TMEM62: variants seen among roughly 807,000 people sequenced by gnomAD.
TMEM62 encodes transmembrane protein 62.
Under a neutral mutation model 70.4 loss-of-function variants are expected in TMEM62, and 41 were observed. The observed-to-expected ratio is 0.58, with a 90% confidence interval of 0.45 to 0.76. The LOEUF (loss-of-function observed/expected upper bound fraction) is 0.76. TMEM62 is among the 30% of genes least tolerant of loss of function. The pLI, the probability that TMEM62 is intolerant of heterozygous loss-of-function variation, is 0.00. For missense variants in TMEM62, 688 were observed against 788.5 expected, an observed-to-expected ratio of 0.87 and a Z score of 1.53; for synonymous variants, 268 against 291.0, an observed-to-expected ratio of 0.92 and a Z score of 0.80.
chr15:43,133,751 C>T lies in TMEM62; in HGVS notation c.-52C>T. On this transcript the variant is annotated 5_prime_UTR_variant, in exon 1 of 14. Transcript: ENST00000260403. ...CAGGCAAAGCGGCTCCCGGGAGCGC[C>T]GCGCGGTCCTGCGCGGGATCAGCGA... 2.4e-6 allele frequency: 3 copies of T among 1,253,240 alleles called. No individual in the cohort carries two copies. The highest frequency in any genetic ancestry group is 3.0e-6 in the Non-Finnish European group (3 of 989,264). 77.6% of individuals were successfully genotyped at this position (1,253,240 alleles called of 1,614,324 possible). A position where few individuals can be genotyped will look rare whatever the true frequency, so the allele number is the denominator to read the frequency against.
chr15:43,174,284 T>C (rs1027099099), intron 11 of TMEM62, among the ~76,000 whole-genome samples: 3 of 152,212 alleles, frequency 2.0e-5, no homozygotes, highest in African/African-American at 7.2e-5. Context: ...CCTTCTTAAT[T>C]TGGATGAAAT....
chr15:43,140,058 G>C (rs948949469), intron 4 of TMEM62, among the ~76,000 whole-genome samples: 1 of 152,136 alleles, frequency 6.6e-6, no homozygotes, highest in African/African-American at 2.4e-5. Flanking sequence ...TATTGCTAGA[G>C]GTCCATGCAG....
intron 5 of TMEM62, among the ~76,000 whole-genome samples, chr15:43,147,806 A>G (rs979886025): frequency 6.6e-6 from 1 of 152,180 alleles, no homozygotes; most frequent in African/African-American, 2.4e-5. Context: ...CATGTACATG[A>G]AAACCAACTG....
chr15:43,161,040 T>A (rs1278224872), intron 10 of TMEM62, among the ~76,000 whole-genome samples: 1 of 152,174 alleles, frequency 6.6e-6, no homozygotes, highest in East Asian at 1.9e-4. Flanking sequence ...TGTGCCTAAT[T>A]TATAAATTAA....
intron 7 of TMEM62, among the ~76,000 whole-genome samples, chr15:43,150,190 A>G (rs1194425392): frequency 6.6e-6 from 1 of 152,204 alleles, no homozygotes; most frequent in Non-Finnish European, 1.5e-5. Flanking sequence ...ATTTTGGTTG[A>G]CTTTTTAAAA....
chr15:43,147,524 G>A (rs142391518), intron 5 of TMEM62, among the ~76,000 whole-genome samples: 12 of 152,290 alleles, frequency 7.9e-5, no homozygotes, highest in Non-Finnish European at 1.3e-4. Flanking sequence ...ATTTAATCTA[G>A]TGGTGAGGTA....
rs878922128 is a variant in TMEM62, at chr15:43,133,696, C to T, written c.-107C>T. 30 of 808,932 alleles carry T rather than the reference C, an allele frequency of 3.7e-5. No individual in the cohort carries two copies. In the South Asian group the frequency reaches 1.4e-3, roughly 37 times the overall value. The allele number at this position is 808,932 out of a possible 1,614,324, so 50.1% of individuals were successfully genotyped here. A position where few individuals can be genotyped will look rare whatever the true frequency, so the allele number is the denominator to read the frequency against. ...TCCGGCGCCGGCCCCGCATCCAGCT[C>T]TGGCCCTGCGACAATAGAGTCCGGA... On this transcript the variant is annotated 5_prime_UTR_variant, in exon 1 of 14. Coordinates refer to ENST00000260403, the MANE Select transcript of TMEM62 (RefSeq NM_024956.4).
At chr15:43,157,361 T>A (rs1346255199) in intron 9 of TMEM62, among the ~76,000 whole-genome samples, 2 of 152,114 alleles carry the variant, frequency 1.3e-5, no homozygotes, top group Non-Finnish European at 2.9e-5. Context: ...GTATCTGTAG[T>A]TTAAGATTAT....
At chr15:43,178,561 G>T in intron 11 of TMEM62, 46 bp from the exon 12 acceptor site, 1 of 1,220,100 alleles carries the variant, frequency 8.2e-7, no homozygotes, top group South Asian at 1.3e-5. Flanking sequence ...TAAAGAAACT[G>T]AACTTTGCAT....
rs182239509 is a variant in TMEM62, at chr15:43,166,334, A to G, written c.1297-3259A>G. On this transcript the variant is annotated intron_variant, in intron 10 of 13. Transcript: ENST00000260403. ...TGCTTACTTCGTTTTAACAAGAACC[A>G]TAACCCCAAATCTCTAACATACCAA... 6.4e-4 allele frequency among the ~76,000 whole-genome samples: 98 copies of G among 152,334 alleles called. 1 individual carries two copies. In the East Asian group the frequency reaches 0.017, roughly 27 times the overall value.
rs555658832 is a variant in TMEM62, at chr15:43,179,268, C to T, written c.1486+557C>T. 3.3e-5 allele frequency among the ~76,000 whole-genome samples: 5 copies of T among 152,160 alleles called. No individual in the cohort carries two copies. The East Asian group carries it at 9.7e-4, about 29-fold the overall frequency. On this transcript the variant is annotated intron_variant, in intron 12 of 13. Coordinates refer to ENST00000260403, the MANE Select transcript of TMEM62 (RefSeq NM_024956.4). ...TATATATCTATCCATTGGTATTTTG[C>T]CTATTTTGCTTAGTATGTAGTTCAT...
chr15:43,153,659 TGTG>T (rs2037677150), intron 8 of TMEM62, among the ~76,000 whole-genome samples: 1 of 31,836 alleles, frequency 3.1e-5, no homozygotes, highest in African/African-American at 4.3e-5. Flanking sequence ...CATTGTACAT[TGTG>T]TGTGTGTGTG....
In TMEM62 at chr15:43,134,313, G is replaced by T. The variant is rs376300591; in HGVS notation, c.237G>T (p.Glu79Asp). The change falls in exon 2 of 14, where the codon GAG (glutamate) becomes GAT (aspartate). Residue 79 changes from glutamate (E) to aspartate (D), a missense_variant. Glu to Asp is a conservative substitution (Grantham distance 45, BLOSUM62 2). Coordinates refer to ENST00000260403, the MANE Select transcript of TMEM62 (RefSeq NM_024956.4). ...ATCCAGGCAGAGCGGTAGACTTAGA[G>T]AAATTCTGTTCTGAAACTATTGACA... ...FRDPGRAVDL[E>D]KFCSETIDII... 6.2e-7 allele frequency: 1 copy of T among 1,614,194 alleles called. No individual in the cohort carries two copies. The highest frequency in any genetic ancestry group is 2.2e-5 in the East Asian group (1 of 44,884).
At chr15:43,157,065 G>T (rs2038131893) in intron 9 of TMEM62, among the ~76,000 whole-genome samples, 1 of 152,132 alleles carries the variant, frequency 6.6e-6, no homozygotes, top group South Asian at 2.1e-4. Flanking sequence ...AGTCAGATTT[G>T]AAACTCAAAA....
chr15:43,154,646 G>C (rs376678611), intron 8 of TMEM62, 26 bp from the exon 9 acceptor site: 34 of 1,577,132 alleles, frequency 2.2e-5, no homozygotes, highest in Admixed American at 1.4e-4. Flanking sequence ...CTCAAACCAT[G>C]TGTTTTATAT....
chr15:43,146,919 C>G (rs1054652853), intron 5 of TMEM62, among the ~76,000 whole-genome samples: 1 of 152,174 alleles, frequency 6.6e-6, no homozygotes, highest in Admixed American at 6.5e-5. Flanking sequence ...ACAGGACATA[C>G]AGCTTTGTGT....
intron 4 of TMEM62, among the ~76,000 whole-genome samples, chr15:43,142,227 G>A (rs1035695168): frequency 2.0e-4 from 29 of 147,332 alleles, no homozygotes; most frequent in Non-Finnish European, 2.2e-4. Context: ...GTGCAGTGGT[G>A]CGATCTTGGC....
At chr15:43,155,558 T>C (rs989931336) in intron 9 of TMEM62, among the ~76,000 whole-genome samples, 6 of 152,130 alleles carry the variant, frequency 3.9e-5, no homozygotes, top group Non-Finnish European at 8.8e-5. Context: ...ATTCTGAAAA[T>C]GGGCACTTGG....
chr15:43,140,549 TTCTC>T (rs1041382118), intron 4 of TMEM62, among the ~76,000 whole-genome samples: 10 of 152,224 alleles, frequency 6.6e-5, no homozygotes, highest in Admixed American at 2.0e-4. Flanking sequence ...GGTATTCTCC[TTCTC>T]TCTATCAATA....
Sources: gnomAD v4.1 joint callset for allele counts (sites outside exome capture counted in the v4.1 genomes callset) on GRCh38, gnomAD v4.1.1 for gene constraint, MANE v1.5 for transcripts, NCBI Gene and HGNC (gene_info 2026-07-23, HGNC 2026-07-21) for gene names.